SLC8A1: variants seen among roughly 807,000 people sequenced by gnomAD.
The protein encoded by SLC8A1 is solute carrier family 8 member A1, also known as sodium/calcium exchanger 1.
In SLC8A1, 18 loss-of-function variants were observed where a neutral mutation model predicts 68.3. That is an observed-to-expected ratio of 0.26 (90% CI 0.18 to 0.39). The LOEUF (loss-of-function observed/expected upper bound fraction) is 0.39. Ranked by LOEUF, SLC8A1 falls within the 10% of genes least tolerant of loss-of-function variation. SLC8A1 has a pLI of 1.00. For missense variants in SLC8A1, 985 were observed against 1,156.7 expected (o/e 0.85, Z 2.15); for synonymous variants, 475 against 415.5 (o/e 1.14, Z -1.74).
intron 1 of SLC8A1, among the ~76,000 whole-genome samples, chr2:40,492,885 A>G (rs1312658379): frequency 6.6e-6 from 1 of 151,468 alleles, no homozygotes; most frequent in African/African-American, 2.4e-5. Flanking sequence ...GAACACTTTT[A>G]CACTCTTGGT....
chr2:40,169,414 G>A (rs534456048), intron 4 of SLC8A1, among the ~76,000 whole-genome samples: 1 of 152,228 alleles, frequency 6.6e-6, no homozygotes, highest in South Asian at 2.1e-4. Context: ...CTCTTTGATT[G>A]GAGGCTAAAG....
intron 2 of SLC8A1, among the ~76,000 whole-genome samples, chr2:40,204,007 T>G (rs1372296001): frequency 6.6e-6 from 1 of 151,998 alleles, no homozygotes; most frequent in Non-Finnish European, 1.5e-5. Context: ...TGAGCCACCG[T>G]GCCCAGCTGG....
intron 2 of SLC8A1, among the ~76,000 whole-genome samples, chr2:40,213,635 C>G (rs1284082616): frequency 6.6e-6 from 1 of 152,204 alleles, no homozygotes; most frequent in Non-Finnish European, 1.5e-5. Flanking sequence ...AGCCCAGCAT[C>G]TGACAAACAA....
chr2:40,211,097 A>T (rs551885822), intron 2 of SLC8A1, among the ~76,000 whole-genome samples: 9 of 152,310 alleles, frequency 5.9e-5, no homozygotes, highest in African/African-American at 2.2e-4. Context: ...TGATAAAATG[A>T]ATGGCTGCCA....
At chr2:40,209,142 G>C (rs1425962835) in intron 2 of SLC8A1, 3 of 152,118 alleles carry the variant, frequency 2.0e-5, no homozygotes, top group Non-Finnish European at 4.4e-5. Context: ...GCTATGGAAA[G>C]AGTACAGGAA....
In SLC8A1 at chr2:40,183,405, A is replaced by C. The variant is rs368424052; in HGVS notation, c.1809-5550T>G. ...ATTCTGTTTTTAAAAGGACTGCAGC[A>C]CACGTTATATTCCATGATGGCTGCT... On this transcript the variant is annotated intron_variant, in intron 2 of 7. Transcript: ENST00000406785. Among the ~76,000 whole-genome samples, 543 of 152,380 alleles carry C rather than the reference A, an allele frequency of 3.6e-3. 3 individuals are homozygous for C. The highest frequency in any genetic ancestry group is 0.012 in the African/African-American group (501 of 41,600).
At chr2:40,330,577 A>G (rs2076307967) in intron 2 of SLC8A1, among the ~76,000 whole-genome samples, 1 of 152,198 alleles carries the variant, frequency 6.6e-6, no homozygotes, top group Non-Finnish European at 1.5e-5. Context: ...CCATTATTCC[A>G]AGCAGGGACA....
At position 40,249,028 on chromosome 2, in the gene SLC8A1, G is replaced by C. The variant is rs940729451; in HGVS notation, c.1809-71173C>G. ...GAACAGGATGACGTGCTGAGTTTCA[G>C]ATGTGATCAGCTTGCCAACTGTCCC... On this transcript the variant is annotated intron_variant, in intron 2 of 7. Coordinates refer to ENST00000406785, the Ensembl canonical transcript of SLC8A1. Among the ~76,000 whole-genome samples the C allele has an allele frequency of 3.9e-5, 6 of 152,238 alleles. No homozygotes were observed. The South Asian group carries it at 8.3e-4, about 21-fold the overall frequency.
intron 2 of SLC8A1, among the ~76,000 whole-genome samples, chr2:40,296,109 A>G (rs1426331208): frequency 1.3e-5 from 2 of 152,200 alleles, no homozygotes; most frequent in African/African-American, 2.4e-5. Flanking sequence ...GGAAATAAGA[A>G]ATGGGCCTCA....
At chr2:40,247,448 G>A (rs1019894148) in intron 2 of SLC8A1, among the ~76,000 whole-genome samples, 1 of 147,672 alleles carries the variant, frequency 6.8e-6, no homozygotes, top group Non-Finnish European at 1.5e-5. Flanking sequence ...GTGTGTGTGT[G>A]TGTGTGTGGA....
At chr2:40,327,370 A>T (rs2075944891) in intron 2 of SLC8A1, among the ~76,000 whole-genome samples, 2 of 152,240 alleles carry the variant, frequency 1.3e-5, no homozygotes, top group Non-Finnish European at 2.9e-5. Context: ...AACATTTCAC[A>T]TTATTCCCCT....
chr2:40,250,170 A>C (rs552764099), intron 2 of SLC8A1: 1 of 152,346 alleles, frequency 6.6e-6, no homozygotes, highest in South Asian at 2.1e-4. Context: ...GGAAATAAGT[A>C]AATACTATTT....
chr2:40,206,241 G>A (rs987100508), intron 2 of SLC8A1, among the ~76,000 whole-genome samples: 1 of 151,922 alleles, frequency 6.6e-6, no homozygotes, highest in African/African-American at 2.4e-5. Context: ...TCAGAACTGT[G>A]GACAATTATT....
At chr2:40,159,197 A>AACTT (rs1169818560) in intron 6 of SLC8A1, among the ~76,000 whole-genome samples, 1 of 152,172 alleles carries the variant, frequency 6.6e-6, no homozygotes, top group Non-Finnish European at 1.5e-5. Flanking sequence ...CTCTATGACA[A>AACTT]ACTTATCATC....
intron 2 of SLC8A1, among the ~76,000 whole-genome samples, chr2:40,325,824 GGTGCCT>G (rs2075764463): frequency 6.6e-6 from 1 of 150,502 alleles, no homozygotes; most frequent in Non-Finnish European, 1.5e-5. Context: ...CGTGGTGGCA[GGTGCCT>G]GTAGTCCCAG....
intron 2 of SLC8A1, among the ~76,000 whole-genome samples, chr2:40,363,716 A>G (rs953903114): frequency 2.6e-5 from 4 of 152,124 alleles, no homozygotes; most frequent in African/African-American, 7.2e-5. Flanking sequence ...GTGGCAGGTA[A>G]TAATGACATC....
intron 2 of SLC8A1, among the ~76,000 whole-genome samples, chr2:40,271,354 T>C (rs1050483021): frequency 6.6e-6 from 1 of 152,054 alleles, no homozygotes; most frequent in African/African-American, 2.4e-5. Context: ...CTCCTGTTTC[T>C]CCCTCTGCAT....
intron 2 of SLC8A1, among the ~76,000 whole-genome samples, chr2:40,258,703 G>A (rs1481266555): frequency 1.3e-5 from 2 of 151,976 alleles, no homozygotes; most frequent in Non-Finnish European, 2.9e-5. Context: ...TTAGCCAGGT[G>A]TGGCGGCAGG....
intron 7 of SLC8A1, among the ~76,000 whole-genome samples, chr2:40,120,365 G>A (rs1400151661): frequency 6.6e-6 from 1 of 152,172 alleles, no homozygotes; most frequent in Non-Finnish European, 1.5e-5. Context: ...AATGAAAGAG[G>A]CAGCCAAGGT....
Sources: gnomAD v4.1 joint callset for allele counts (sites outside exome capture counted in the v4.1 genomes callset) on GRCh38, gnomAD v4.1.1 for gene constraint, MANE v1.5 for transcripts, NCBI Gene and HGNC (gene_info 2026-07-23, HGNC 2026-07-21) for gene names.